BMS1: variants seen among roughly 807,000 people sequenced by gnomAD.
The protein encoded by BMS1 is BMS1 ribosome biogenesis factor.
A neutral mutation model predicts 138.7 loss-of-function variants in BMS1; 53 were observed. The observed-to-expected ratio is 0.38, with a 90% CI of 0.31 to 0.48. BMS1 has a LOEUF of 0.48. Ranked by LOEUF, BMS1 falls within the 20% of genes least tolerant of loss-of-function variation. BMS1 has a pLI of 0.97. For synonymous variants in BMS1, 504 were observed against 539.9 expected (o/e 0.93, Z 0.92); for missense variants, 1,360 against 1,565.5 (o/e 0.87, Z 2.22).
At chr10:42,825,732 A>C (rs1158205388) in intron 21 of BMS1, among the ~76,000 whole-genome samples, 1 of 152,192 alleles carries the variant, frequency 6.6e-6, no homozygotes, top group African/African-American at 2.4e-5. Context: ...GTCATCTGCA[A>C]ATAGAGATAA....
chr10:42,787,133 T>C (rs1385728635), intron 3 of BMS1, 35 bp from the exon 4 acceptor site: 1 of 763,410 alleles, frequency 1.3e-6, no homozygotes, highest in East Asian at 2.5e-5. Flanking sequence ...TTTCAGGGTC[T>C]TTTTAAAGTA....
rs138984886 is a variant in BMS1, at chr10:42,832,096, A to G, written c.*1000A>G. ...CATTTCCCCAGCTTTACTTTCCCCA[A>G]CGTATACTCCTCCATGTATGCATGG... is the stretch of plus-strand genomic sequence containing the variant. On this transcript the variant is annotated 3_prime_UTR_variant, in exon 23 of 23. Transcript: ENST00000374518. 4 of 152,056 alleles carry G rather than the reference A, an allele frequency of 2.6e-5. No individual in the cohort carries two copies. The highest frequency in any genetic ancestry group is 7.2e-5 in the African/African-American group (3 of 41,396). 9.4% of individuals were successfully genotyped at this position (152,056 alleles called of 1,614,324 possible). A position where few individuals can be genotyped will look rare whatever the true frequency, so the allele number is the denominator to read the frequency against.
At chr10:42,790,942 C>T (rs1304744496) in intron 5 of BMS1, among the ~76,000 whole-genome samples, 2 of 152,130 alleles carry the variant, frequency 1.3e-5, no homozygotes, top group African/African-American at 2.4e-5. Flanking sequence ...AGTCCCTGGC[C>T]TCCTGAATTC....
At chr10:42,807,738 A>T (rs1051528034) in intron 13 of BMS1, among the ~76,000 whole-genome samples, 4 of 152,144 alleles carry the variant, frequency 2.6e-5, no homozygotes, top group Admixed American at 1.3e-4. Context: ...ATTTTTGACT[A>T]TTAGAATTGA....
At chr10:42,819,784 T>A (rs1842448384) in intron 15 of BMS1, among the ~76,000 whole-genome samples, 1 of 151,876 alleles carries the variant, frequency 6.6e-6, no homozygotes, top group African/African-American at 2.4e-5. Flanking sequence ...AATATGTAGG[T>A]CTTTTTTTTT....
chr10:42,824,701 A>G (rs1243071902), intron 21 of BMS1, among the ~76,000 whole-genome samples: 1 of 152,158 alleles, frequency 6.6e-6, no homozygotes, highest in Non-Finnish European at 1.5e-5. Flanking sequence ...ATTCTTTTGC[A>G]TGTGAAAATC....
chr10:42,798,599 G>GC lies in BMS1; in HGVS notation c.2227dup (p.His743ProfsTer2). On this transcript the variant is annotated frameshift_variant, in exon 12 of 23. Coordinates refer to ENST00000374518, the MANE Select transcript of BMS1 (RefSeq NM_014753.4). LOFTEE classifies it high-confidence loss of function. ...GGACTGCTCCAGATTTCTTGTGGAGGCCCCCCATGACTGGGATTTAGAGGA... is the reference window on the plus strand; with the variant it reads ...GGACTGCTCCAGATTTCTTGTGGAGGCCCCCCCATGACTGGGATTTAGAGGA... 1.9e-6 allele frequency: 3 copies of GC among 1,614,184 alleles called. No individual in the cohort carries two copies. The highest frequency in any genetic ancestry group is 2.5e-6 in the Non-Finnish European group (3 of 1,180,014).
Position 42,830,880 on chromosome 10 carries a change from G to C in BMS1, c.3633G>C (p.Leu1211=). The change falls in exon 23 of 23, where the codon CTG becomes CTC. Residue 1211 remains leucine (L), a synonymous_variant. Coordinates refer to ENST00000374518, the MANE Select transcript of BMS1 (RefSeq NM_014753.4). ...EPHERKILAL[L]DALSTVHSQK... The stretch of plus-strand genomic sequence containing the variant: ...GTCCTTGTCAGATCCTTGCACTGCT[G>C]GATGCTCTGAGTACGGTGCATAGTC... The C allele has an allele frequency of 2.5e-6, 4 of 1,611,110 alleles. No homozygotes were observed. Among genetic ancestry groups the C allele is most frequent in the Non-Finnish European group, 3.4e-6 (4 of 1,178,746 alleles).
chr10:42,791,871 T>C, intron 6 of BMS1, 102 bp downstream of exon 6: 1 of 1,385,894 alleles, frequency 7.2e-7, no homozygotes, highest in Non-Finnish European at 9.7e-7. Context: ...CCGATTTGAA[T>C]AGGGGGGATA....
At chr10:42,819,932 C>T (rs973614929) in intron 15 of BMS1, among the ~76,000 whole-genome samples, 4 of 152,148 alleles carry the variant, frequency 2.6e-5, no homozygotes, top group Admixed American at 2.6e-4. Context: ...GCTGGGACTA[C>T]AGGCACGCAC....
chr10:42,788,332 A>G (rs1488541341), intron 4 of BMS1, among the ~76,000 whole-genome samples: 1 of 152,174 alleles, frequency 6.6e-6, no homozygotes, highest in Non-Finnish European at 1.5e-5. Flanking sequence ...CATACATATT[A>G]AGAGATACCT....
At chr10:42,830,514 T>C (rs908639071) in intron 22 of BMS1, 92 bp downstream of exon 22, 19 of 1,480,484 alleles carry the variant, frequency 1.3e-5, no homozygotes, top group Non-Finnish European at 1.7e-5. Context: ...TAGTCTCAGT[T>C]ATTCAGGGCA....
In BMS1 at chr10:42,796,476, T is replaced by C; in HGVS notation, c.1232T>C (p.Leu411Pro). The C allele has an allele frequency of 8.7e-6, 14 of 1,610,804 alleles. No homozygotes were observed. Among genetic ancestry groups the C allele is most frequent in the Non-Finnish European group, 1.2e-5 (14 of 1,177,248 alleles). ...TTTGTATTTCCTTGGTAATACAGGC[T>C]AATGATGCCAAAGGAGGAAAAACAA... ...LGSEDIDNQG[L>P]MMPKEEKQMD... Residue 411 changes from leucine to proline, a missense_variant and splice_region_variant, in exon 10 of 23, where the codon CTA becomes CCA. This residue lies in a region of BMS1 where 697 missense variants were observed against 686.2 expected (regional missense o/e 1.02). Transcript: ENST00000374518.
chr10:42,824,238 G>A (rs550588863), intron 21 of BMS1, among the ~76,000 whole-genome samples: 2 of 152,078 alleles, frequency 1.3e-5, no homozygotes, highest in South Asian at 2.1e-4. Flanking sequence ...TCTCTAACTT[G>A]TTCATCCTAC....
In BMS1 at chr10:42,792,503, T is replaced by C. The variant is rs1185293938; in HGVS notation, c.790T>C (p.Leu264=). 3 of 1,611,478 alleles carry C rather than the reference T, an allele frequency of 1.9e-6. No homozygotes were observed. The highest frequency in any genetic ancestry group is 2.2e-5 in the South Asian group (2 of 90,840). The stretch of plus-strand genomic sequence containing the variant: ...AATTTATTTTTCTAGGATGGAAGAT[T>C]TGACAAACCCAGAGGATATCCGAAC... ...PYILADRMED[L]TNPEDIRTNI... Residue 264 remains leucine (L), a synonymous_variant, in exon 7 of 23, where the codon TTG becomes CTG. Transcript: ENST00000374518.
chr10:42,785,465 T>G lies in BMS1; in HGVS notation c.177-17T>G. 2 of 1,570,150 alleles carry G rather than the reference T, an allele frequency of 1.3e-6. No homozygotes were observed. On this transcript the variant is annotated splice_polypyrimidine_tract_variant and intron_variant, in intron 2 of 22. Coordinates refer to ENST00000374518, the MANE Select transcript of BMS1 (RefSeq NM_014753.4). ...TGAGTTTACTATTTATTTATTTGTT[T>G]ATTTTTTAATGAATAGGACTCAGGA...
intron 13 of BMS1, among the ~76,000 whole-genome samples, chr10:42,807,633 G>A (rs1842050680): frequency 6.6e-6 from 1 of 152,076 alleles, no homozygotes; most frequent in African/African-American, 2.4e-5. Context: ...CACCGTGCCT[G>A]GCTAATATTT....
chr10:42,829,247 G>A (rs1842737223), intron 21 of BMS1, among the ~76,000 whole-genome samples: 1 of 151,930 alleles, frequency 6.6e-6, no homozygotes, highest in Admixed American at 6.6e-5. Flanking sequence ...AGGGGCAGAG[G>A]TTGCAGTGAG....
chr10:42,799,267 G>A (rs1435504492), intron 12 of BMS1, among the ~76,000 whole-genome samples: 1 of 152,124 alleles, frequency 6.6e-6, no homozygotes, highest in African/African-American at 2.4e-5. Flanking sequence ...GAGCCACCAG[G>A]CCTGGCTAAT....
Sources: gnomAD v4.1 joint callset for allele counts (sites outside exome capture counted in the v4.1 genomes callset) on GRCh38, gnomAD v4.1.1 for gene constraint, gnomAD v4.1.1 regional missense constraint, MANE v1.5 for transcripts, NCBI Gene and HGNC (gene_info 2026-07-23, HGNC 2026-07-21) for gene names.